Variants in CEP152 observed in about 807,000 individuals in gnomAD.
The protein encoded by CEP152 is centrosomal protein of 152 kDa.
CEP152 carries 132 observed loss-of-function variants against 188.9 expected under a neutral mutation model. The ratio of observed to expected loss-of-function variants is 0.70; its 90% CI spans 0.61 to 0.81. The LOEUF is 0.81. Ranked by LOEUF, CEP152 falls within the 30% of genes least tolerant of loss-of-function variation. The pLI is 0.00. For synonymous variants in CEP152, 649 were observed against 666.6 expected (o/e 0.97, Z 0.41); for missense variants, 1,914 against 1,969.8 (o/e 0.97, Z 0.54).
downstream of CEP152, among the ~76,000 whole-genome samples, chr15:48,737,541 T>C (rs897773689): frequency 1.3e-5 from 2 of 152,164 alleles, no homozygotes. Flanking sequence ...CTTATCTCAA[T>C]TTTTCAAAAG....
At chr15:48,762,302 T>A in intron 18 of CEP152, 89 bp downstream of exon 18, 1 of 1,226,364 alleles carries the variant, frequency 8.2e-7, no homozygotes, top group Non-Finnish European at 1.2e-6. Flanking sequence ...AGTATAAAGT[T>A]ATGAACGAGT....
At chr15:48,770,200 A>G (rs1348403395) in intron 13 of CEP152, among the ~76,000 whole-genome samples, 1 of 152,180 alleles carries the variant, frequency 6.6e-6, no homozygotes, top group African/African-American at 2.4e-5. Flanking sequence ...GCTCTTTGCC[A>G]CAACACAGTG....
chr15:48,733,726 C>T (rs1341074757), downstream of CEP152, among the ~76,000 whole-genome samples: 6 of 152,238 alleles, frequency 3.9e-5, no homozygotes, highest in East Asian at 1.9e-4. Context: ...CATGCTCAGA[C>T]TGTTGAAAGC....
In CEP152 at chr15:48,745,322, G is replaced by A. The variant is rs533887619; in HGVS notation, c.3635-330C>T. Among the ~76,000 whole-genome samples the A allele has an allele frequency of 1.1e-4, 16 of 152,136 alleles. 1 individual carries two copies. In the South Asian group the frequency reaches 2.9e-3, roughly 28 times the overall value. ...GTTTTCTAATTCCATGTTCCCTATG[G>A]ATCCTGGTAGACAGTTTATGCTCAT... On this transcript the variant is annotated intron_variant, in intron 22 of 26. Coordinates refer to ENST00000380950, the MANE Select transcript of CEP152 (RefSeq NM_001194998.2).
chr15:48,792,954 T>C (rs969204312), intron 7 of CEP152, among the ~76,000 whole-genome samples: 7 of 152,128 alleles, frequency 4.6e-5, no homozygotes, highest in Non-Finnish European at 7.4e-5. Context: ...CCCAAGTAGA[T>C]GGGATTACAG....
At chr15:48,796,383 T>A (rs532376594) in intron 5 of CEP152, among the ~76,000 whole-genome samples, 1 of 152,102 alleles carries the variant, frequency 6.6e-6, no homozygotes, top group South Asian at 2.1e-4. Context: ...ATTGAAAGTC[T>A]GCAATACATA....
At position 48,768,047 on chromosome 15, in the gene CEP152, A is replaced by G. The variant is rs182519645; in HGVS notation, c.2018+172T>C. Among the ~76,000 whole-genome samples, 8 of 152,304 alleles carry G rather than the reference A, an allele frequency of 5.3e-5. No homozygotes were observed. The East Asian group carries it at 1.5e-3, about 29-fold the overall frequency. ...CTACATAACACTGTTTCTATGGAAA[A>G]TGTGTTCCAAATTCTAATTTGAGAA... On this transcript the variant is annotated intron_variant, in intron 15 of 26. Coordinates refer to ENST00000380950, the MANE Select transcript of CEP152 (RefSeq NM_001194998.2).
rs184364660 is a variant in CEP152 at position 48,778,584 on chromosome 15, C to A, written c.1577+2612G>T. Among the ~76,000 whole-genome samples, 50 of 152,268 alleles carry A rather than the reference C, an allele frequency of 3.3e-4. 1 individual carries two copies. In the East Asian group the frequency reaches 9.3e-3, roughly 28 times the overall value. On this transcript the variant is annotated intron_variant, in intron 12 of 26. Transcript: ENST00000380950. The stretch of plus-strand genomic sequence containing the variant: ...TTATTCTTCACTTTCCCACTGAATG[C>A]GTCCATCATTCCTTTTACTATAATA...
Position 48,809,962 on chromosome 15 carries a change from C to T in CEP152, c.-8+999G>A, listed in dbSNP as rs562994034. On this transcript the variant is annotated intron_variant, in intron 1 of 26. Coordinates refer to ENST00000380950, the MANE Select transcript of CEP152 (RefSeq NM_001194998.2). ...AAGATGCCCTCCCAAGCCTGTTCCC[C>T]CATGGAGCTGGCCACTCCTTTGCAC... 3.4e-4 allele frequency among the ~76,000 whole-genome samples: 52 copies of T among 152,292 alleles called. 2 individuals are homozygous for T. The South Asian group carries it at 9.5e-3, about 28-fold the overall frequency.
At chr15:48,808,368 G>A (rs1462521825) in intron 1 of CEP152, among the ~76,000 whole-genome samples, 2 of 150,610 alleles carry the variant, frequency 1.3e-5, no homozygotes, top group South Asian at 2.1e-4. Context: ...CATCATTAAC[G>A]AGTCAAATAT....
intron 13 of CEP152, among the ~76,000 whole-genome samples, chr15:48,770,533 G>C (rs1312489471): frequency 6.6e-6 from 1 of 152,156 alleles, no homozygotes; most frequent in Non-Finnish European, 1.5e-5. Flanking sequence ...AAAGCACCAA[G>C]ATATCTGAGC....
chr15:48,760,981 T>C (rs955881384), intron 18 of CEP152, among the ~76,000 whole-genome samples: 4 of 152,164 alleles, frequency 2.6e-5, no homozygotes, highest in African/African-American at 9.7e-5. Flanking sequence ...AATATGTCAA[T>C]GTGTAAACTC....
chr15:48,764,125 C>T (rs753825578), intron 17 of CEP152, among the ~76,000 whole-genome samples: 4 of 152,142 alleles, frequency 2.6e-5, no homozygotes, highest in East Asian at 3.8e-4. Flanking sequence ...ATAAAAATTA[C>T]GTATCTGGTT....
At chr15:48,796,966 C>A (rs1897336881) in intron 5 of CEP152, among the ~76,000 whole-genome samples, 1 of 152,172 alleles carries the variant, frequency 6.6e-6, no homozygotes, top group South Asian at 2.1e-4. Context: ...CAATAAGAGA[C>A]CTGAACACAG....
intron 17 of CEP152, 74 bp from the exon 18 acceptor site, chr15:48,762,746 G>T: frequency 6.9e-7 from 1 of 1,449,238 alleles, no homozygotes; most frequent in Non-Finnish European, 9.5e-7. Flanking sequence ...AAGCTAGCCA[G>T]AAAAGCAACC....
At chr15:48,775,292 T>G (rs1895818343) in intron 12 of CEP152, among the ~76,000 whole-genome samples, 1 of 151,872 alleles carries the variant, frequency 6.6e-6, no homozygotes, top group Non-Finnish European at 1.5e-5. Context: ...AATTTATATA[T>G]TCAAGAAGCT....
chr15:48,768,467 G>A lies in CEP152; in HGVS notation c.1909-139C>T. 4.9e-6 allele frequency: 3 copies of A among 606,200 alleles called. No individual in the cohort carries two copies. The South Asian group carries it at 6.2e-5, about 13-fold the overall frequency. The allele number at this position is 606,200 out of a possible 1,614,324, so 37.6% of individuals were successfully genotyped here. The stretch of plus-strand genomic sequence containing the variant: ...TTTGACATATTATTTTTACAATTCT[G>A]CAAAAGAAAAAGTCTCTTCACGCTT... On this transcript the variant is annotated intron_variant, in intron 14 of 26. Coordinates refer to ENST00000380950, the MANE Select transcript of CEP152 (RefSeq NM_001194998.2).
chr15:48,744,302 C>A lies in CEP152; in HGVS notation c.3773G>T (p.Cys1258Phe). Reference protein sequence around the residue: ...AGAIENACLPCSGGALEELRG... With the variant: ...AGAIENACLPFSGGALEELRG... ...AAGTTCTTCCAAGGCTCCCCCACTG[C>A]ATGGCAGGCAAGCATTTTCAATGGC... The change falls in exon 24 of 27, where the codon TGC (cysteine) becomes TTC (phenylalanine). Residue 1258 changes from cysteine (C) to phenylalanine (F), a missense_variant. Transcript: ENST00000380950. 3.1e-6 allele frequency: 5 copies of A among 1,614,058 alleles called. No homozygotes were observed. In the South Asian group the frequency reaches 3.3e-5, roughly 11 times the overall value.
At chr15:48,758,740 C>T (rs1468174375) in intron 19 of CEP152, among the ~76,000 whole-genome samples, 2 of 63,720 alleles carry the variant, frequency 3.1e-5, no homozygotes, top group African/African-American at 1.3e-4. Flanking sequence ...AAAAAAAAGG[C>T]AAATTCCCAG....
Sources: gnomAD v4.1 joint callset for allele counts (sites outside exome capture counted in the v4.1 genomes callset) on GRCh38, gnomAD v4.1.1 for gene constraint, MANE v1.5 for transcripts, NCBI Gene and HGNC (gene_info 2026-07-23, HGNC 2026-07-21) for gene names.